The following DMRT1 variants were observed in gnomAD, a reference collection of about 807,000 sequenced individuals.
DMRT1 encodes the protein doublesex- and mab-3-related transcription factor 1.
DMRT1 carries 7 observed loss-of-function variants against 32.3 expected under a neutral mutation model. The observed-to-expected ratio is 0.22, with a 90% confidence interval of 0.12 to 0.41. The LOEUF (loss-of-function observed/expected upper bound fraction) is 0.41. Ranked by LOEUF, DMRT1 falls within the 10% of genes least tolerant of loss-of-function variation. The pLI, the probability that DMRT1 is intolerant of heterozygous loss-of-function variation, is 1.00. For synonymous variants in DMRT1, 278 were observed against 206.1 expected, an observed-to-expected ratio of 1.35 and a Z score of -2.99; for missense variants, 625 against 500.5, an observed-to-expected ratio of 1.25 and a Z score of -2.37.
rs1019437082 is a variant in DMRT1, at chr9:924,453, A to G, written c.967+7546A>G. Among the ~76,000 whole-genome samples, 72 of 152,206 alleles carry G rather than the reference A, an allele frequency of 4.7e-4. 2 individuals carry two copies. Among genetic ancestry groups the G allele is most frequent in the Admixed American group, 4.7e-3 (72 of 15,290 alleles). On this transcript the variant is annotated intron_variant, in intron 4 of 4. Transcript: ENST00000382276. Reference sequence around the variant, plus strand: ...ATGTATCTATTTTTATATATGGATCACATAAGGAATTATGTAAAAGTATGG... The same window carrying G: ...ATGTATCTATTTTTATATATGGATCGCATAAGGAATTATGTAAAAGTATGG...
intron 4 of DMRT1, among the ~76,000 whole-genome samples, chr9:919,973 C>G (rs572810281): frequency 6.6e-6 from 1 of 152,106 alleles, no homozygotes; most frequent in Non-Finnish European, 1.5e-5. Flanking sequence ...GTACACTCCT[C>G]GAAGATAATT....
At chr9:937,221 G>A (rs887707308) in intron 4 of DMRT1, among the ~76,000 whole-genome samples, 8 of 152,170 alleles carry the variant, frequency 5.3e-5, no homozygotes, top group Admixed American at 6.5e-5. Flanking sequence ...GCCTGTGTGC[G>A]CCTTCTTTTG....
At chr9:851,305 C>G (rs1307435361) in intron 2 of DMRT1, among the ~76,000 whole-genome samples, 2 of 152,104 alleles carry the variant, frequency 1.3e-5, no homozygotes, top group African/African-American at 4.8e-5. Context: ...GTGGTGCAAT[C>G]TTGGCTCACT....
At chr9:956,525 T>C (rs1819605615) in intron 4 of DMRT1, among the ~76,000 whole-genome samples, 1 of 150,578 alleles carries the variant, frequency 6.6e-6, no homozygotes, top group African/African-American at 2.5e-5. Context: ...GATTGAGCCA[T>C]TGCACTCCAG....
At chr9:872,439 T>G (rs7030572) in intron 2 of DMRT1, among the ~76,000 whole-genome samples, 34,750 of 152,112 alleles carry the variant, frequency 0.23, 4,459 homozygotes, top group East Asian at 0.4. Context: ...TTTAAAACAT[T>G]CTCATACCAT....
chr9:918,461 C>T (rs956612832), intron 4 of DMRT1, among the ~76,000 whole-genome samples: 6 of 151,062 alleles, frequency 4.0e-5, no homozygotes, highest in Non-Finnish European at 8.8e-5. Flanking sequence ...TGGAGAGGAG[C>T]GGTAGGCATT....
intron 1 of DMRT1, chr9:842,871 G>C (rs1364430554): frequency 6.6e-6 from 1 of 152,350 alleles, no homozygotes; most frequent in Non-Finnish European, 1.5e-5. Flanking sequence ...GCTTCCCCGC[G>C]ATCCCAGAGC....
intron 4 of DMRT1, among the ~76,000 whole-genome samples, chr9:960,465 AAAT>A (rs1363075494): frequency 6.6e-6 from 1 of 152,366 alleles, no homozygotes; most frequent in East Asian, 1.9e-4. Flanking sequence ...AGGGGACAGA[AAAT>A]AATGAGTAAC....
chr9:863,622 C>G (rs986546861), intron 2 of DMRT1, among the ~76,000 whole-genome samples: 4 of 152,254 alleles, frequency 2.6e-5, no homozygotes, highest in Non-Finnish European at 5.9e-5. Context: ...GCTAGAGGCT[C>G]CAGAAAGAAA....
intron 2 of DMRT1, among the ~76,000 whole-genome samples, chr9:885,316 G>C (rs1010177750): frequency 6.6e-6 from 1 of 152,186 alleles, no homozygotes; most frequent in African/African-American, 2.4e-5. Context: ...GTATCCCCTG[G>C]TTCTTGCCTT....
chr9:926,503 C>T (rs915983153), intron 4 of DMRT1, among the ~76,000 whole-genome samples: 1 of 152,162 alleles, frequency 6.6e-6, no homozygotes, highest in African/African-American at 2.4e-5. Context: ...AGAGGCCTGG[C>T]AGTTTTCCTC....
chr9:943,882 T>C (rs992295262), intron 4 of DMRT1, among the ~76,000 whole-genome samples: 5 of 152,228 alleles, frequency 3.3e-5, no homozygotes, highest in African/African-American at 9.6e-5. Flanking sequence ...AAAGGTATCC[T>C]TCAGAGTATG....
chr9:902,097 A>AGGC (rs1817605323), intron 3 of DMRT1, among the ~76,000 whole-genome samples: 1 of 151,198 alleles, frequency 6.6e-6, no homozygotes, highest in African/African-American at 2.4e-5. Flanking sequence ...TTTAGTCGAG[A>AGGC]TGGGGTTTTG....
intron 3 of DMRT1, among the ~76,000 whole-genome samples, chr9:898,008 TTAAAA>T (rs1227712976): frequency 3.3e-5 from 5 of 152,200 alleles, no homozygotes; most frequent in Non-Finnish European, 5.9e-5. Context: ...TAAAGAAGTA[TTAAAA>T]TTAAATAGTA....
intron 2 of DMRT1, among the ~76,000 whole-genome samples, chr9:863,733 T>G (rs1815832751): frequency 6.6e-6 from 1 of 152,170 alleles, no homozygotes; most frequent in Admixed American, 6.5e-5. Flanking sequence ...AAATTTCTGG[T>G]GATTTGTTAA....
At chr9:901,790 C>T (rs1045485058) in intron 3 of DMRT1, among the ~76,000 whole-genome samples, 3 of 151,974 alleles carry the variant, frequency 2.0e-5, no homozygotes, top group Non-Finnish European at 4.4e-5. Flanking sequence ...CGAACCTGCC[C>T]TGGGCCCTCT....
chr9:855,053 C>A (rs1343431453), intron 2 of DMRT1, among the ~76,000 whole-genome samples: 1 of 151,734 alleles, frequency 6.6e-6, no homozygotes, highest in African/African-American at 2.4e-5. Flanking sequence ...AGGGGTGAGC[C>A]ACCATGCCCG....
intron 3 of DMRT1, among the ~76,000 whole-genome samples, chr9:895,685 G>A (rs1254559749): frequency 6.6e-6 from 1 of 151,820 alleles, no homozygotes; most frequent in East Asian, 1.9e-4. Flanking sequence ...TATGTGTGTG[G>A]TTGATAACAC....
At chr9:955,943 A>G (rs1029074434) in intron 4 of DMRT1, among the ~76,000 whole-genome samples, 1 of 152,258 alleles carries the variant, frequency 6.6e-6, no homozygotes, top group Admixed American at 6.5e-5. Context: ...AATACCCCAA[A>G]GAATTGAAAG....
Sources: gnomAD v4.1 joint callset for allele counts (sites outside exome capture counted in the v4.1 genomes callset) on GRCh38, gnomAD v4.1.1 for gene constraint, MANE v1.5 for transcripts, NCBI Gene and HGNC (gene_info 2026-07-23, HGNC 2026-07-21) for gene names.